The following PGGT1B variants were observed in gnomAD, a reference collection of about 807,000 sequenced individuals.
The protein encoded by PGGT1B is geranylgeranyl transferase type-1 subunit beta.
PGGT1B carries 30 observed loss-of-function variants against 46.1 expected under a neutral mutation model. The ratio of observed to expected loss-of-function variants is 0.65; its 90% CI spans 0.49 to 0.88. The LOEUF (loss-of-function observed/expected upper bound fraction) is 0.88. PGGT1B is among the 40% of genes least tolerant of loss of function. The probability of loss-of-function intolerance (pLI) is 0.00; values close to 1 mark genes in which losing one functional copy is unlikely to be tolerated. For missense variants in PGGT1B, 376 were observed against 455.9 expected (o/e 0.82, Z 1.60); for synonymous variants, 170 against 160.0 (o/e 1.06, Z -0.47).
intron 1 of PGGT1B, among the ~76,000 whole-genome samples, chr5:115,253,913 A>G (rs997964062): frequency 6.6e-6 from 1 of 152,054 alleles, no homozygotes; most frequent in South Asian, 2.1e-4. Context: ...TATAAAAATC[A>G]GTATCTTACC....
intron 5 of PGGT1B, among the ~76,000 whole-genome samples, chr5:115,236,077 C>T: frequency 6.6e-6 from 1 of 152,096 alleles, no homozygotes. Flanking sequence ...GGACTCTCTA[C>T]TAACTCCTGC....
At chr5:115,213,083 G>A (rs1756288460) in intron 8 of PGGT1B, among the ~76,000 whole-genome samples, 1 of 152,126 alleles carries the variant, frequency 6.6e-6, no homozygotes, top group East Asian at 1.9e-4. Context: ...TCCTAACATT[G>A]TGTTAAATAA....
In PGGT1B at chr5:115,262,733, T is replaced by G; in HGVS notation, c.119A>C (p.Tyr40Ser). 1 of 1,611,642 alleles carries G rather than the reference T, an allele frequency of 6.2e-7. No individual in the cohort carries two copies. The highest frequency in any genetic ancestry group is 8.5e-7 in the Non-Finnish European group (1 of 1,178,848). ...TTACCTGCTTGTCTCGAGTGAAGAA[T>G]AGCGCTCCGGCAAAACCTGGAGGCA... ...QRCLQVLPER[Y>S]SSLETSRLTI... Residue 40 changes from tyrosine to serine, a missense_variant, in exon 1 of 9, where the codon TAT (tyrosine) becomes TCT (serine). Coordinates refer to ENST00000419445, the MANE Select transcript of PGGT1B (RefSeq NM_005023.4).
chr5:115,241,657 G>T (rs1334597923), intron 2 of PGGT1B, 51 bp from the exon 3 acceptor site: 2 of 1,371,564 alleles, frequency 1.5e-6, no homozygotes, highest in Non-Finnish European at 2.0e-6. Flanking sequence ...TTTTTGCACA[G>T]ATTCTAAAGC....
chr5:115,224,129 C>G (rs1330672843), intron 6 of PGGT1B, among the ~76,000 whole-genome samples: 1 of 151,594 alleles, frequency 6.6e-6, no homozygotes, highest in Non-Finnish European at 1.5e-5. Flanking sequence ...AAAATTATTA[C>G]AACCTTTTAA....
At chr5:115,231,339 T>C (rs1348809366) in intron 5 of PGGT1B, among the ~76,000 whole-genome samples, 1 of 151,964 alleles carries the variant, frequency 6.6e-6, no homozygotes, top group African/African-American at 2.4e-5. Context: ...CCATTGCAAG[T>C]ATACGTGAGC....
rs978874968 is a variant in PGGT1B at position 115,208,429 on chromosome 5, G to A, written c.*3973C>T. On this transcript the variant is annotated 3_prime_UTR_variant, in exon 9 of 9. Coordinates refer to ENST00000419445, the MANE Select transcript of PGGT1B (RefSeq NM_005023.4). ...ACTTTTAACTATTTGTTTCTTCTACGGTAATTGGTTTGTTGTGACTTTATC... is the reference window on the plus strand; with the variant it reads ...ACTTTTAACTATTTGTTTCTTCTACAGTAATTGGTTTGTTGTGACTTTATC... 7 of 151,704 alleles carry A rather than the reference G, an allele frequency of 4.6e-5. No homozygotes were observed. Among genetic ancestry groups the A allele is most frequent in the South Asian group, 2.1e-4 (1 of 4,820 alleles). 9.4% of individuals were successfully genotyped at this position (151,704 alleles called of 1,614,324 possible). A position where few individuals can be genotyped will look rare whatever the true frequency, so the allele number is the denominator to read the frequency against.
intron 1 of PGGT1B, among the ~76,000 whole-genome samples, chr5:115,255,498 A>C (rs891255430): frequency 6.6e-6 from 1 of 152,208 alleles, no homozygotes; most frequent in Admixed American, 6.5e-5. Flanking sequence ...GATATAATAC[A>C]TAAAGTAAAT....
At position 115,209,036 on chromosome 5, in the gene PGGT1B, T is replaced by G. The variant is rs1756144231; in HGVS notation, c.*3366A>C. 1 of 151,998 alleles carries G rather than the reference T, an allele frequency of 6.6e-6. No individual in the cohort carries two copies. The highest frequency in any genetic ancestry group is 2.4e-5 in the African/African-American group (1 of 41,390). The allele number at this position is 151,998 out of a possible 1,614,324, so 9.4% of individuals were successfully genotyped here. A position where few individuals can be genotyped will look rare whatever the true frequency, so the allele number is the denominator to read the frequency against. On this transcript the variant is annotated 3_prime_UTR_variant, in exon 9 of 9. Transcript: ENST00000419445. ...TTTTTCCCCTTAACTGAAATGAGTT[T>G]TTCTGTACTTTTAGGAGGAAGGAGT...
rs181128728 is a variant in PGGT1B at position 115,261,323 on chromosome 5, T to C, written c.140+1389A>G. ...TCACTCTTTCTTTTGTGAGAATCTG[T>C]TCATCCTTCAGGGCTCAGCTCACAT... On this transcript the variant is annotated intron_variant, in intron 1 of 8. Transcript: ENST00000419445. 2.1e-4 allele frequency among the ~76,000 whole-genome samples: 32 copies of C among 152,328 alleles called. No individual in the cohort carries two copies. The East Asian group carries it at 5.6e-3, about 27-fold the overall frequency.
At chr5:115,229,115 T>C (rs1756890065) in intron 6 of PGGT1B, among the ~76,000 whole-genome samples, 1 of 152,114 alleles carries the variant, frequency 6.6e-6, no homozygotes, top group Non-Finnish European at 1.5e-5. Flanking sequence ...GAAAGAAAAC[T>C]AAACCAAAAT....
chr5:115,214,291 A>C (rs1310812812), intron 8 of PGGT1B, among the ~76,000 whole-genome samples: 1 of 150,154 alleles, frequency 6.7e-6, no homozygotes, highest in Non-Finnish European at 1.5e-5. Flanking sequence ...TTGAAGCCTC[A>C]AATTGTGTTT....
chr5:115,230,876 G>C (rs556541907), intron 6 of PGGT1B, 100 bp downstream of exon 6: 1 of 734,870 alleles, frequency 1.4e-6, no homozygotes, highest in Non-Finnish European at 2.4e-6. Flanking sequence ...GCTGCACCAA[G>C]GGTTGAGAAA....
intron 2 of PGGT1B, among the ~76,000 whole-genome samples, chr5:115,249,263 TAAGTA>T (rs1747985229): frequency 1.3e-5 from 2 of 152,208 alleles, no homozygotes. Flanking sequence ...ATATATATTA[TAAGTA>T]AAGTTTCGGT....
chr5:115,249,428 C>T (rs559943341), intron 2 of PGGT1B, among the ~76,000 whole-genome samples: 4 of 152,268 alleles, frequency 2.6e-5, no homozygotes, highest in South Asian at 2.1e-4. Flanking sequence ...ATCCCTGACG[C>T]GGGTGGCCCC....
In PGGT1B at chr5:115,253,232, A is replaced by C. The variant is rs766891567; in HGVS notation, c.164T>G (p.Leu55Arg). ...GGAATCCAACATATCCAGCCCGGAG[A>C]GTGCAAAAAATGCAATTGTCAACCT... The part of the protein sequence containing the change: ...TSRLTIAFFA[L>R]SGLDMLDSLD... Residue 55 changes from leucine (L) to arginine (R), a missense_variant, in exon 2 of 9, where the codon CTC becomes CGC. Leu to Arg is a moderately radical substitution (Grantham distance 102). This residue lies in a region of PGGT1B where 154 missense variants were observed against 142.3 expected (regional missense o/e 1.08). Coordinates refer to ENST00000419445, the MANE Select transcript of PGGT1B (RefSeq NM_005023.4). 1 of 1,578,904 alleles carries C rather than the reference A, an allele frequency of 6.3e-7. No individual in the cohort carries two copies. The highest frequency in any genetic ancestry group is 8.6e-7 in the Non-Finnish European group (1 of 1,168,114).
chr5:115,224,338 T>C (rs914039664), intron 6 of PGGT1B, among the ~76,000 whole-genome samples: 7 of 152,156 alleles, frequency 4.6e-5, no homozygotes, highest in Non-Finnish European at 1.0e-4. Context: ...CTCAAACTAC[T>C]TATTAGGATT....
chr5:115,224,687 T>A (rs1756706125), intron 6 of PGGT1B, among the ~76,000 whole-genome samples: 1 of 151,870 alleles, frequency 6.6e-6, no homozygotes, highest in Non-Finnish European at 1.5e-5. Flanking sequence ...CTGGGCAACA[T>A]AAGGAGACCC....
intron 1 of PGGT1B, among the ~76,000 whole-genome samples, chr5:115,256,314 G>A (rs769851925): frequency 6.6e-6 from 1 of 152,104 alleles, no homozygotes; most frequent in Non-Finnish European, 1.5e-5. Context: ...CTGCTTTAAG[G>A]TCATACTCTT....
Sources: allele counts gnomAD v4.1 joint callset (sites outside exome capture counted in the v4.1 genomes callset), GRCh38; gene constraint gnomAD v4.1.1; regional missense constraint gnomAD v4.1.1; transcripts MANE v1.5; gene names NCBI Gene and HGNC (gene_info 2026-07-23, HGNC 2026-07-21).